Variants in OSBPL1A observed in about 807,000 individuals in gnomAD.
OSBPL1A encodes oxysterol binding protein like 1A.
In OSBPL1A, 80 loss-of-function variants were observed where a neutral mutation model predicts 137.1. That is an observed-to-expected ratio of 0.58 (90% CI 0.49 to 0.70). The LOEUF (loss-of-function observed/expected upper bound fraction) is 0.70, where lower values mean the gene tolerates loss of function less well. Among genes scored for constraint, OSBPL1A ranks in the 30% least tolerant of loss-of-function variants. OSBPL1A has a pLI of 0.00. For missense variants in OSBPL1A, 970 were observed against 1,129.4 expected (o/e 0.86, Z 2.02); for synonymous variants, 365 against 389.7 (o/e 0.94, Z 0.75).
intron 14 of OSBPL1A, among the ~76,000 whole-genome samples, chr18:24,282,354 A>C (rs1323403832): frequency 6.6e-6 from 1 of 152,218 alleles, no homozygotes; most frequent in Admixed American, 6.5e-5. Context: ...TGGCTAACAT[A>C]TCTGAAAACA....
chr18:24,256,360 A>G (rs1390584338), intron 15 of OSBPL1A, among the ~76,000 whole-genome samples: 1 of 152,232 alleles, frequency 6.6e-6, no homozygotes, highest in Non-Finnish European at 1.5e-5. Flanking sequence ...AACAGAGCTG[A>G]TGAAAAAAAC....
chr18:24,277,107 G>A (rs72884884), intron 15 of OSBPL1A, among the ~76,000 whole-genome samples: 6,335 of 152,192 alleles, frequency 0.042, 202 homozygotes, highest in African/African-American at 0.08. Flanking sequence ...CCTATAAAGA[G>A]CAAACAAGAG....
chr18:24,395,514 T>C (rs1281602436), intron 1 of OSBPL1A, among the ~76,000 whole-genome samples: 2 of 152,220 alleles, frequency 1.3e-5, no homozygotes, highest in Non-Finnish European at 2.9e-5. Context: ...ACCGGCATTG[T>C]GCCATGTTAT....
At chr18:24,167,510 T>C in intron 24 of OSBPL1A, 65 bp from the exon 25 acceptor site, 1 of 1,298,222 alleles carries the variant, frequency 7.7e-7, no homozygotes, top group East Asian at 2.3e-5. Flanking sequence ...AAGCACCACA[T>C]AATGACATTT....
At chr18:24,217,987 C>T (rs1305529405) in intron 17 of OSBPL1A, among the ~76,000 whole-genome samples, 3 of 152,014 alleles carry the variant, frequency 2.0e-5, no homozygotes, top group African/African-American at 7.2e-5. Flanking sequence ...ACAGAACAAA[C>T]GACCAGGTTT....
intron 16 of OSBPL1A, among the ~76,000 whole-genome samples, chr18:24,237,403 T>G (rs908457103): frequency 3.3e-5 from 5 of 152,114 alleles, no homozygotes; most frequent in Admixed American, 2.0e-4. Context: ...TTCCTGGGCT[T>G]AAGCGATCCT....
At chr18:24,255,632 T>C (rs2089250075) in intron 15 of OSBPL1A, among the ~76,000 whole-genome samples, 10 of 152,220 alleles carry the variant, frequency 6.6e-5, no homozygotes, top group Admixed American at 6.5e-4. Flanking sequence ...ATCTTACATA[T>C]GTTGATTGAT....
intron 13 of OSBPL1A, among the ~76,000 whole-genome samples, chr18:24,307,319 C>G (rs187876916): frequency 2.6e-5 from 4 of 152,226 alleles, no homozygotes; most frequent in East Asian, 3.9e-4. Context: ...TCCATCTTTC[C>G]TAAGTCAACC....
At chr18:24,183,495 C>A (rs1436262615) in intron 18 of OSBPL1A, among the ~76,000 whole-genome samples, 2 of 151,082 alleles carry the variant, frequency 1.3e-5, no homozygotes, top group Non-Finnish European at 2.9e-5. Flanking sequence ...TGCAAAGGCG[C>A]GATCTCGGCT....
intron 1 of OSBPL1A, among the ~76,000 whole-genome samples, chr18:24,388,730 G>A (rs1907108728): frequency 6.7e-6 from 1 of 149,922 alleles, no homozygotes. Flanking sequence ...AACCCAGGAG[G>A]TGGAGGCTGC....
intron 5 of OSBPL1A, among the ~76,000 whole-genome samples, chr18:24,341,214 C>G (rs778573521): frequency 1.3e-5 from 2 of 152,028 alleles, no homozygotes; most frequent in African/African-American, 4.8e-5. Context: ...GCCATGTTGC[C>G]CAGACTAGTC....
In OSBPL1A at chr18:24,164,585, C is replaced by T. The variant is rs905248103; in HGVS notation, c.2750+480G>A. On this transcript the variant is annotated intron_variant, in intron 27 of 27. Coordinates refer to ENST00000319481, the MANE Select transcript of OSBPL1A (RefSeq NM_080597.4). ...CTGGGACTACAGGCGCCCGCCACCA[C>T]GCCCAGCTAATTTTTTGTATTTTTA... is the stretch of plus-strand genomic sequence containing the variant. Among the ~76,000 whole-genome samples, 8 of 152,140 alleles carry T rather than the reference C, an allele frequency of 5.3e-5. No individual in the cohort carries two copies. In the South Asian group the frequency reaches 6.2e-4, roughly 12 times the overall value.
intron 4 of OSBPL1A, among the ~76,000 whole-genome samples, chr18:24,344,198 C>T (rs1285928101): frequency 2.0e-5 from 3 of 152,144 alleles, no homozygotes; most frequent in African/African-American, 7.2e-5. Context: ...GAAGGTAATC[C>T]CAGCACTTTG....
At chr18:24,347,861 A>G (rs1196978849) in intron 4 of OSBPL1A, 1 of 151,182 alleles carries the variant, frequency 6.6e-6, no homozygotes, top group East Asian at 1.9e-4. Context: ...AAAAAAAAAA[A>G]AAGAATTATG....
chr18:24,211,402 A>G (rs2087540347), intron 17 of OSBPL1A, among the ~76,000 whole-genome samples: 1 of 152,350 alleles, frequency 6.6e-6, no homozygotes, highest in Non-Finnish European at 1.5e-5. Flanking sequence ...ATAACTGTTT[A>G]TGCATTCAAT....
At chr18:24,261,521 A>G (rs564566858) in intron 15 of OSBPL1A, among the ~76,000 whole-genome samples, 1 of 152,340 alleles carries the variant, frequency 6.6e-6, no homozygotes, top group South Asian at 2.1e-4. Flanking sequence ...ACAATAATAC[A>G]TTTCATATGC....
rs187640532 is a variant in OSBPL1A, at chr18:24,264,752, C to T, written c.1281+16090G>A. Among the ~76,000 whole-genome samples, 17 of 152,276 alleles carry T rather than the reference C, an allele frequency of 1.1e-4. No homozygotes were observed. The East Asian group carries it at 2.3e-3, about 21-fold the overall frequency. ...AGTAGCTTATATAGATGGCCACATC[C>T]GCTTGGGCTGTCTAAAGACTTTTCC... On this transcript the variant is annotated intron_variant, in intron 15 of 27. Coordinates refer to ENST00000319481, the MANE Select transcript of OSBPL1A (RefSeq NM_080597.4).
chr18:24,330,856 A>G (rs2848613), intron 7 of OSBPL1A, among the ~76,000 whole-genome samples: 70,207 of 151,768 alleles, frequency 0.46, 18,267 homozygotes, highest in African/African-American at 0.71. Flanking sequence ...GTGCAATGGC[A>G]TGATCTCGCC....
chr18:24,237,114 G>A (rs2088507617), intron 16 of OSBPL1A, among the ~76,000 whole-genome samples: 1 of 151,924 alleles, frequency 6.6e-6, no homozygotes, highest in Non-Finnish European at 1.5e-5. Context: ...ATATACACAA[G>A]CACATATATA....
Sources: gnomAD v4.1 joint callset for allele counts (sites outside exome capture counted in the v4.1 genomes callset) on GRCh38, gnomAD v4.1.1 for gene constraint, MANE v1.5 for transcripts, NCBI Gene and HGNC (gene_info 2026-07-23, HGNC 2026-07-21) for gene names.